Variants in BTBD16 observed in about 807,000 individuals in gnomAD.
The protein encoded by BTBD16 is BTB/POZ domain-containing protein 16.
Under a neutral mutation model 67.4 loss-of-function variants are expected in BTBD16, and 66 were observed. The observed-to-expected ratio is 0.98, with a 90% CI of 0.80 to 1.20. The LOEUF (loss-of-function observed/expected upper bound fraction) is 1.20. Among genes scored for constraint, BTBD16 ranks in the 50% most tolerant of loss-of-function variants. The pLI is 0.00. For missense variants in BTBD16, 634 were observed against 616.0 expected (o/e 1.03, Z -0.31); for synonymous variants, 242 against 236.4 (o/e 1.02, Z -0.22).
At chr10:122,290,691 A>G (rs1275068187) in intron 6 of BTBD16, among the ~76,000 whole-genome samples, 1 of 152,080 alleles carries the variant, frequency 6.6e-6, no homozygotes, top group Non-Finnish European at 1.5e-5. Flanking sequence ...TCCAAGGAGA[A>G]TCTGCTGTAA....
At chr10:122,312,610 G>A (rs2096416066) in intron 10 of BTBD16, among the ~76,000 whole-genome samples, 1 of 152,032 alleles carries the variant, frequency 6.6e-6, no homozygotes, top group Non-Finnish European at 1.5e-5. Context: ...CACCGCTTCT[G>A]GCCAGTCTTT....
rs758483150 is a variant in BTBD16 at position 122,283,864 on chromosome 10, C to A, written c.181C>A (p.Gln61Lys). 6.2e-7 allele frequency: 1 copy of A among 1,613,874 alleles called. No individual in the cohort carries two copies. Among genetic ancestry groups the A allele is most frequent in the African/African-American group, 1.3e-5 (1 of 74,932 alleles). ...TTTTCCCTTGAGGTTATGCATTTCA[C>A]AAATCCAGAAGTTTTTCTTTGAGAA... The part of the protein sequence containing the change: ...LRNPDRLCIS[Q>K]IQKFFFENFK... The change falls in exon 4 of 16, where the codon CAA (glutamine) becomes AAA (lysine). Residue 61 changes from glutamine (Q) to lysine (K), a missense_variant. Transcript: ENST00000260723.
Position 122,290,009 on chromosome 10 carries a change from AC to A in BTBD16, c.475+14del. ...TGGTCACTAAAGTCGGTATGTATATACCCGTCTATATTCTGAGAATGCCATT... is the reference window on the plus strand; with the variant it reads ...TGGTCACTAAAGTCGGTATGTATATACCGTCTATATTCTGAGAATGCCATT... On this transcript the variant is annotated intron_variant, in intron 6 of 15. Transcript: ENST00000260723. 1.9e-6 allele frequency: 3 copies of A among 1,539,924 alleles called. No homozygotes were observed. The highest frequency in any genetic ancestry group is 2.7e-6 in the Non-Finnish European group (3 of 1,116,448).
At chr10:122,287,329 A>T in intron 5 of BTBD16, 2 of 694,898 alleles carry the variant, frequency 2.9e-6, no homozygotes, top group African/African-American at 1.9e-5. Flanking sequence ...CAGTGAGTTC[A>T]TGGAAAAGCA....
intron 9 of BTBD16, among the ~76,000 whole-genome samples, chr10:122,300,691 G>A (rs989309034): frequency 6.6e-6 from 1 of 151,980 alleles, no homozygotes; most frequent in Non-Finnish European, 1.5e-5. Context: ...TCTTTCTTCA[G>A]TGCTGTTTAG....
chr10:122,310,412 G>T (rs1438926200), intron 10 of BTBD16, among the ~76,000 whole-genome samples: 1 of 152,198 alleles, frequency 6.6e-6, no homozygotes, highest in Non-Finnish European at 1.5e-5. Flanking sequence ...GGCCTAGCAG[G>T]GCTGGTGGCC....
At chr10:122,272,207 G>A (rs1031336720) in intron 1 of BTBD16, among the ~76,000 whole-genome samples, 5 of 152,202 alleles carry the variant, frequency 3.3e-5, no homozygotes, top group African/African-American at 1.2e-4. Context: ...AAACTCAAGT[G>A]CACCTCTGAA....
chr10:122,309,046 C>G (rs1469667143), intron 10 of BTBD16, among the ~76,000 whole-genome samples: 4 of 152,182 alleles, frequency 2.6e-5, no homozygotes, highest in Non-Finnish European at 5.9e-5. Context: ...ACATCATAAG[C>G]AGCTTCAACA....
intron 7 of BTBD16, among the ~76,000 whole-genome samples, chr10:122,292,081 G>A (rs1296121851): frequency 6.6e-6 from 1 of 152,206 alleles, no homozygotes; most frequent in Admixed American, 6.5e-5. Context: ...GTGAGACTCA[G>A]AGCTCCCAGT....
At chr10:122,299,171 G>T (rs996337368) in intron 9 of BTBD16, 37 bp downstream of exon 9, 31 of 1,607,828 alleles carry the variant, frequency 1.9e-5, no homozygotes, top group Non-Finnish European at 2.6e-5. Context: ...CCCTGAGAGG[G>T]GGATGGGAGA....
At chr10:122,328,872 T>C in intron 10 of BTBD16, 1 of 970,628 alleles carries the variant, frequency 1.0e-6, no homozygotes, top group Non-Finnish European at 1.2e-6. Flanking sequence ...TAACTGGAGC[T>C]TGGTATTAAC....
intron 9 of BTBD16, 136 bp downstream of exon 9, chr10:122,299,270 G>C (rs2096389652): frequency 4.5e-6 from 5 of 1,120,282 alleles, no homozygotes; most frequent in East Asian, 5.2e-5. Context: ...GCTGAGCCTT[G>C]GCTGGGGCTG....
At position 122,273,221 on chromosome 10, in the gene BTBD16, G is replaced by GATTATATATATATATATATAT. The variant is rs1554885565; in HGVS notation, c.-43+1709_-43+1710insTATATATATATATATATATAT. On this transcript the variant is annotated intron_variant, in intron 1 of 15. Transcript: ENST00000260723. ...ATAGAAATAAAAACAGCAACACAAA[G>GATTATATATATATATATATAT]ATATATATATATATATATATATATA... Among the ~76,000 whole-genome samples the GATTATATATATATATATATAT allele has an allele frequency of 1.2e-4, 15 of 129,484 alleles. No individual in the cohort carries two copies. In the East Asian group the frequency reaches 3.2e-3, roughly 27 times the overall value. The allele number at this position is 129,484 out of a possible 152,430, so 84.9% of individuals were successfully genotyped here.
intron 10 of BTBD16, among the ~76,000 whole-genome samples, chr10:122,320,659 C>T (rs11200552): frequency 1 from 152,214 of 152,306 alleles, 76,061 homozygotes; most frequent in Non-Finnish European, 1. Flanking sequence ...GTTCTTTGTT[C>T]TGCAAATATT....
intron 13 of BTBD16, among the ~76,000 whole-genome samples, chr10:122,334,673 A>AT (rs66947410): frequency 0.21 from 24,046 of 114,976 alleles, 2,802 homozygotes; most frequent in East Asian, 0.44. Flanking sequence ...CGCCTGGCTA[A>AT]TTTTTTTTTT....
chr10:122,290,221 T>C (rs1409676566), intron 6 of BTBD16, among the ~76,000 whole-genome samples: 1 of 152,162 alleles, frequency 6.6e-6, no homozygotes, highest in Admixed American at 6.5e-5. Context: ...GAGGTTCTTG[T>C]CATTGAGAAA....
intron 11 of BTBD16, among the ~76,000 whole-genome samples, chr10:122,330,316 T>TAG (rs2096453063): frequency 6.6e-6 from 1 of 152,108 alleles, no homozygotes; most frequent in East Asian, 1.9e-4. Flanking sequence ...AAGAGAGATC[T>TAG]AGAGAAAAGT....
chr10:122,321,885 C>A (rs1465861739), intron 10 of BTBD16, among the ~76,000 whole-genome samples: 1 of 152,068 alleles, frequency 6.6e-6, no homozygotes, highest in East Asian at 1.9e-4. Flanking sequence ...TGAGGACAAT[C>A]ACAAAATTTT....
At chr10:122,316,858 G>A (rs1335177575) in intron 10 of BTBD16, among the ~76,000 whole-genome samples, 2 of 151,686 alleles carry the variant, frequency 1.3e-5, no homozygotes, top group South Asian at 2.1e-4. Flanking sequence ...GCGCAATCTC[G>A]GTTCACCGCA....
Sources: allele counts gnomAD v4.1 joint callset (sites outside exome capture counted in the v4.1 genomes callset), GRCh38; gene constraint gnomAD v4.1.1; transcripts MANE v1.5; gene names NCBI Gene and HGNC (gene_info 2026-07-23, HGNC 2026-07-21).